PHRF1: variants seen among roughly 807,000 people sequenced by gnomAD.
PHRF1 encodes the protein PHD and RING finger domain-containing protein 1.
PHRF1 carries 53 observed loss-of-function variants against 128.9 expected under a neutral mutation model. The ratio of observed to expected loss-of-function variants is 0.41; its 90% CI spans 0.33 to 0.52. The LOEUF is 0.52. PHRF1 is among the 20% of genes least tolerant of loss of function. The pLI is 0.21. For synonymous variants in PHRF1, 1,178 were observed against 980.6 expected, an observed-to-expected ratio of 1.20 and a Z score of -3.76; for missense variants, 2,503 against 2,284.5, an observed-to-expected ratio of 1.10 and a Z score of -1.95.
Position 607,523 on chromosome 11 carries a change from CGGT to C in PHRF1, c.2073_2075del (p.Gly692del). On this transcript the variant is annotated inframe_deletion, in exon 14 of 18. Transcript: ENST00000264555. ...GGATACCAAAGATCAGGAGAGATGA[CGGT>C]GGTGGCAGACGGGATGCGGCCCCGG... The C allele has an allele frequency of 6.2e-7, 1 of 1,612,752 alleles. No homozygotes were observed. The highest frequency in any genetic ancestry group is 8.5e-7 in the Non-Finnish European group (1 of 1,179,898).
chr11:595,262 G>T (rs571496793), intron 6 of PHRF1, among the ~76,000 whole-genome samples: 2 of 152,346 alleles, frequency 1.3e-5, no homozygotes, highest in South Asian at 4.1e-4. Flanking sequence ...GGCGGAGGTT[G>T]CAGTGAGCCG....
At chr11:590,240 A>G (rs1854887568) in intron 4 of PHRF1, among the ~76,000 whole-genome samples, 1 of 152,242 alleles carries the variant, frequency 6.6e-6, no homozygotes. Flanking sequence ...TGGGGGTGTC[A>G]CACGTACAAC....
intron 3 of PHRF1, among the ~76,000 whole-genome samples, chr11:586,378 T>C (rs1464578120): frequency 6.6e-6 from 1 of 152,262 alleles, no homozygotes; most frequent in African/African-American, 2.4e-5. Flanking sequence ...TCCCAGCCTC[T>C]TTAACAGTGT....
chr11:598,846 C>A (rs1210539531), intron 9 of PHRF1, among the ~76,000 whole-genome samples: 1 of 152,196 alleles, frequency 6.6e-6, no homozygotes, highest in Non-Finnish European at 1.5e-5. Context: ...GCCATCTGGG[C>A]CTGGGCTTTT....
chr11:605,537 C>G, intron 11 of PHRF1, 68 bp from the exon 12 acceptor site: 1 of 1,587,112 alleles, frequency 6.3e-7, no homozygotes, highest in South Asian at 1.1e-5. Context: ...TCCGTGCCGT[C>G]TCCCTGGGCT....
Position 607,121 on chromosome 11 carries a change from C to T in PHRF1, c.1665C>T (p.Phe555=). The stretch of plus-strand genomic sequence containing the variant: ...GTCTGTCCAGAGGGGAAGAAGGATT[C>T]AAGGGCTGCCTGCAGCCCCGAGCAC... ...SGSLSRGEEG[F]KGCLQPRALP... Residue 555 remains phenylalanine, a synonymous_variant, in exon 14 of 18, where the codon TTC becomes TTT. Transcript: ENST00000264555. 6.2e-7 allele frequency: 1 copy of T among 1,611,442 alleles called. No homozygotes were observed. The highest frequency in any genetic ancestry group is 8.5e-7 in the Non-Finnish European group (1 of 1,178,768).
chr11:611,919 C>T lies in PHRF1; in HGVS notation c.*142C>T, dbSNP rs702966. ...GAGTGGCGGGAAATGGGGGGCATCACCATGCCTGCCGTCGGGTTCCTGCGC... is the reference window on the plus strand; with the variant it reads ...GAGTGGCGGGAAATGGGGGGCATCATCATGCCTGCCGTCGGGTTCCTGCGC... On this transcript the variant is annotated 3_prime_UTR_variant, in exon 18 of 18. Transcript: ENST00000264555. The T allele has an allele frequency of 1.0e-6, 1 of 992,064 alleles. No individual in the cohort carries two copies. Among genetic ancestry groups the T allele is most frequent in the Middle Eastern group, 3.3e-4 (1 of 3,056 alleles). The allele number at this position is 992,064 out of a possible 1,614,324, so 61.5% of individuals were successfully genotyped here.
intron 13 of PHRF1, chr11:606,842 G>A (rs1163333583): frequency 1.1e-6 from 1 of 890,328 alleles, no homozygotes; most frequent in Non-Finnish European, 1.7e-6. Context: ...CCCGCCCCTG[G>A]TTAATATCGT....
chr11:577,540 C>T (rs1853952147), intron 1 of PHRF1, among the ~76,000 whole-genome samples: 1 of 152,258 alleles, frequency 6.6e-6, no homozygotes, highest in Non-Finnish European at 1.5e-5. Flanking sequence ...GATGGCACCT[C>T]AGCATCATGG....
intron 17 of PHRF1, 31 bp from the exon 18 acceptor site, chr11:611,603 G>C: frequency 1.2e-6 from 2 of 1,612,452 alleles, no homozygotes; most frequent in Non-Finnish European, 1.7e-6. Context: ...GGATGTGAAA[G>C]GGCATTTGGT....
intron 6 of PHRF1, among the ~76,000 whole-genome samples, chr11:594,893 A>G (rs904952564): frequency 2.2e-5 from 3 of 134,296 alleles, no homozygotes; most frequent in Non-Finnish European, 4.9e-5. Context: ...TACTTGGCAG[A>G]TAAAACAACG....
At chr11:604,121 C>T (rs1034411354) in intron 10 of PHRF1, among the ~76,000 whole-genome samples, 1 of 152,238 alleles carries the variant, frequency 6.6e-6, no homozygotes, top group Non-Finnish European at 1.5e-5. Context: ...CTGCTATTTC[C>T]CAGTTCTCAG....
intron 2 of PHRF1, 34 bp from the exon 3 acceptor site, chr11:581,928 C>T (rs372908306): frequency 5.4e-5 from 83 of 1,549,902 alleles, no homozygotes; most frequent in Non-Finnish European, 7.0e-5. Context: ...GTCTTGACGC[C>T]GCCCTGCGGC....
intron 12 of PHRF1, 74 bp downstream of exon 12, chr11:605,798 C>A: frequency 6.6e-7 from 1 of 1,505,460 alleles, no homozygotes; most frequent in South Asian, 1.3e-5. Context: ...AGGGTGGGGC[C>A]GTGATAGCCT....
chr11:578,423 A>G (rs1333138448), intron 1 of PHRF1, among the ~76,000 whole-genome samples: 1 of 152,148 alleles, frequency 6.6e-6, no homozygotes, highest in Admixed American at 6.5e-5. Context: ...ACTTAGCCCC[A>G]CAGGTGCATG....
chr11:598,231 G>T, intron 8 of PHRF1, 142 bp from the exon 9 acceptor site: 3 of 1,235,376 alleles, frequency 2.4e-6, no homozygotes, highest in Non-Finnish European at 3.3e-6. Flanking sequence ...AGGCCGGGCC[G>T]TGGCTGCTGC....
intron 4 of PHRF1, among the ~76,000 whole-genome samples, chr11:589,816 G>A (rs1419002249): frequency 2.7e-5 from 4 of 149,636 alleles, no homozygotes; most frequent in African/African-American, 7.4e-5. Context: ...GGCACAGAGC[G>A]TGCGGGGCTC....
chr11:598,809 T>C (rs191620858), intron 9 of PHRF1, among the ~76,000 whole-genome samples: 1 of 152,350 alleles, frequency 6.6e-6, no homozygotes, highest in East Asian at 1.9e-4. Context: ...ATTTTTGCTG[T>C]AAACATTTGT....
intron 6 of PHRF1, 77 bp downstream of exon 6, chr11:592,751 C>T (rs1170821428): frequency 2.0e-6 from 3 of 1,482,706 alleles, no homozygotes; most frequent in Non-Finnish European, 2.8e-6. Context: ...TGCAGAGCCT[C>T]TTCGCTCTGT....
Sources: allele counts gnomAD v4.1 joint callset (sites outside exome capture counted in the v4.1 genomes callset), GRCh38; gene constraint gnomAD v4.1.1; transcripts MANE v1.5; gene names NCBI Gene and HGNC (gene_info 2026-07-23, HGNC 2026-07-21).